ENTPD1: variants seen among roughly 807,000 people sequenced by gnomAD.
ENTPD1 encodes the protein ATP diphosphohydrolase.
ENTPD1 carries 33 observed loss-of-function variants against 57.0 expected under a neutral mutation model. That is an observed-to-expected ratio of 0.58 (90% CI 0.44 to 0.77). The LOEUF is 0.77. Among genes scored for constraint, ENTPD1 ranks in the 30% least tolerant of loss-of-function variants. The pLI, the probability that ENTPD1 is intolerant of heterozygous loss-of-function variation, is 0.00. For synonymous variants in ENTPD1, 202 were observed against 218.8 expected (o/e 0.92, Z 0.68); for missense variants, 501 against 603.4 (o/e 0.83, Z 1.78).
the ENTPD1 span, among the ~76,000 whole-genome samples, chr10:95,696,540 G>A: frequency 2.6e-5 from 4 of 152,200 alleles, no homozygotes; most frequent in South Asian, 2.1e-4. Context: ...TCAGCCTCCC[G>A]AAGTGTTGGG....
intron 1 of ENTPD1, among the ~76,000 whole-genome samples, chr10:95,723,699 G>A (rs1055810721): frequency 2.6e-5 from 4 of 152,194 alleles, no homozygotes; most frequent in African/African-American, 9.7e-5. Context: ...GGCAACTGTT[G>A]AGTAGAGACT....
At chr10:95,767,593 G>T (rs574956529) in intron 1 of ENTPD1, among the ~76,000 whole-genome samples, 61 of 151,588 alleles carry the variant, frequency 4.0e-4, no homozygotes, top group Middle Eastern at 3.4e-3. Context: ...TGAATTTAAT[G>T]AATTTTAATA....
intron 1 of ENTPD1, among the ~76,000 whole-genome samples, chr10:95,714,887 C>G (rs1465600802): frequency 1.3e-5 from 2 of 152,086 alleles, no homozygotes; most frequent in East Asian, 3.8e-4. Context: ...GGTCTGCTTT[C>G]TTACATCTTG....
chr10:95,811,077 T>C (rs1411036489), intron 1 of ENTPD1, among the ~76,000 whole-genome samples: 2 of 152,208 alleles, frequency 1.3e-5, no homozygotes, highest in African/African-American at 4.8e-5. Flanking sequence ...AGACATTTAA[T>C]TGCATGACCA....
Position 95,870,598 on chromosome 10 carries a change from C to T in ENTPD1, c.*4215C>T, listed in dbSNP as rs182207388. 1.0e-6 allele frequency: 1 copy of T among 985,464 alleles called. No homozygotes were observed. Among genetic ancestry groups the T allele is most frequent in the African/African-American group, 1.7e-5 (1 of 57,378 alleles). 61.0% of individuals were successfully genotyped at this position (985,464 alleles called of 1,614,324 possible). A position where few individuals can be genotyped will look rare whatever the true frequency, so the allele number is the denominator to read the frequency against. The stretch of plus-strand genomic sequence containing the variant: ...CTGGCCAAGATGAATATTTTAATAG[C>T]TCACAGAACAAAGTTTGCCACATAA... On this transcript the variant is annotated 3_prime_UTR_variant, in exon 10 of 10. Transcript: ENST00000371205.
Position 95,712,023 on chromosome 10 carries a change from G to A in ENTPD1, c.37+30G>A, listed in dbSNP as rs1338625565. ...GAAATTCTTACCAGTCAGGCTCCCG[G>A]CCTCTCTCCCTCTGTGGAATCTGGT... is the stretch of plus-strand genomic sequence containing the variant. On this transcript the variant is annotated intron_variant, in intron 1 of 9. Transcript: ENST00000453258. The A allele has an allele frequency of 1.9e-6, 3 of 1,613,774 alleles. No individual in the cohort carries two copies. In the African/African-American group the frequency reaches 4.0e-5, roughly 22 times the overall value.
chr10:95,748,192 A>C (rs2098008135), intron 1 of ENTPD1, among the ~76,000 whole-genome samples: 3 of 151,878 alleles, frequency 2.0e-5, no homozygotes, highest in Admixed American at 2.0e-4. Context: ...TCTTTTTTCT[A>C]TTTGCCCCTA....
upstream of ENTPD1, chr10:95,755,630 A>T: frequency 6.8e-7 from 1 of 1,473,006 alleles, no homozygotes; most frequent in South Asian, 1.2e-5. Flanking sequence ...CGTCTCCTGC[A>T]GGAAACTCAT....
At chr10:95,703,481 G>A in the ENTPD1 span, among the ~76,000 whole-genome samples, 1 of 152,146 alleles carries the variant, frequency 6.6e-6, no homozygotes, top group East Asian at 1.9e-4. Flanking sequence ...ATCTGAAATA[G>A]TATAAGATCT....
At chr10:95,781,453 T>C (rs867500482) in intron 1 of ENTPD1, among the ~76,000 whole-genome samples, 1 of 152,124 alleles carries the variant, frequency 6.6e-6, no homozygotes, top group Non-Finnish European at 1.5e-5. Flanking sequence ...TATAATTGGA[T>C]TGTAACACAA....
In ENTPD1 at chr10:95,867,334, T is replaced by C; in HGVS notation, c.*951T>C. On this transcript the variant is annotated 3_prime_UTR_variant, in exon 10 of 10. Transcript: ENST00000371205. ...ATCACCACTATTTAGTTCCAGAACA[T>C]TTGCATCATCAATACATTGTCTAGA... The C allele has an allele frequency of 4.1e-6, 4 of 985,442 alleles. No individual in the cohort carries two copies. The highest frequency in any genetic ancestry group is 4.8e-6 in the Non-Finnish European group (4 of 829,922). The allele number at this position is 985,442 out of a possible 1,614,324, so 61.0% of individuals were successfully genotyped here.
At chr10:95,844,780 C>T in intron 5 of ENTPD1, 145 bp downstream of exon 5, 1 of 1,064,222 alleles carries the variant, frequency 9.4e-7, no homozygotes. Context: ...TGAATTTACT[C>T]TCACATTTGT....
intron 1 of ENTPD1, among the ~76,000 whole-genome samples, chr10:95,761,038 G>C (rs2098059207): frequency 6.6e-6 from 1 of 151,876 alleles, no homozygotes; most frequent in South Asian, 2.1e-4. Context: ...CACTGTGTTA[G>C]CCAGGATGGT....
At chr10:95,824,544 G>A (rs1244045941) in intron 2 of ENTPD1, among the ~76,000 whole-genome samples, 1 of 152,224 alleles carries the variant, frequency 6.6e-6, no homozygotes, top group African/African-American at 2.4e-5. Context: ...AATGTTGACT[G>A]ATGTTGTTTC....
intron 3 of ENTPD1, among the ~76,000 whole-genome samples, chr10:95,840,797 ATC>A (rs1289946345): frequency 2.0e-5 from 3 of 152,126 alleles, no homozygotes; most frequent in Non-Finnish European, 4.4e-5. Flanking sequence ...TCTGACTTTT[ATC>A]TCTCTTAGCC....
chr10:95,744,429 A>G (rs947085818), intron 1 of ENTPD1, among the ~76,000 whole-genome samples: 4 of 152,080 alleles, frequency 2.6e-5, no homozygotes, highest in Non-Finnish European at 5.9e-5. Context: ...TGAGGCCAGG[A>G]GTTCAAGACC....
intron 1 of ENTPD1, among the ~76,000 whole-genome samples, chr10:95,745,715 G>A (rs748990353): frequency 5.9e-5 from 9 of 152,216 alleles, no homozygotes; most frequent in Non-Finnish European, 1.0e-4. Context: ...TACTAGCATT[G>A]GGTTAGATAT....
chr10:95,715,478 G>GTT (rs557244560), intron 1 of ENTPD1, among the ~76,000 whole-genome samples: 2 of 139,514 alleles, frequency 1.4e-5, no homozygotes, highest in South Asian at 4.5e-4. Flanking sequence ...GTTAGATCTT[G>GTT]TTTTTTTTTT....
At chr10:95,810,789 GA>G (rs2098302976) in intron 1 of ENTPD1, among the ~76,000 whole-genome samples, 2 of 152,080 alleles carry the variant, frequency 1.3e-5, no homozygotes, top group South Asian at 4.1e-4. Flanking sequence ...GCTCTCAGAG[GA>G]AGTTCCTGTT....
Sources: allele counts gnomAD v4.1 joint callset (sites outside exome capture counted in the v4.1 genomes callset), GRCh38; gene constraint gnomAD v4.1.1; transcripts MANE v1.5; gene names NCBI Gene and HGNC (gene_info 2026-07-23, HGNC 2026-07-21).